Variants in SYNM observed in about 807,000 individuals in gnomAD.
SYNM encodes synemin.
A neutral mutation model predicts 104.0 loss-of-function variants in SYNM; 95 were observed. The observed-to-expected ratio is 0.91, with a 90% CI of 0.77 to 1.08. The LOEUF (loss-of-function observed/expected upper bound fraction) is 1.08. Among genes scored for constraint, SYNM ranks in the 50% least tolerant of loss-of-function variants. SYNM has a pLI of 0.00. For missense variants in SYNM, 2,150 were observed against 2,052.2 expected (o/e 1.05, Z -0.92); for synonymous variants, 918 against 869.0 (o/e 1.06, Z -0.99).
intron 1 of SYNM, among the ~76,000 whole-genome samples, chr15:99,113,056 C>A (rs1423363937): frequency 6.6e-6 from 1 of 152,214 alleles, no homozygotes; most frequent in Non-Finnish European, 1.5e-5. Flanking sequence ...CATTTATGCC[C>A]AGAATGCATT....
intron 2 of SYNM, among the ~76,000 whole-genome samples, chr15:99,120,126 G>A (rs2067386332): frequency 6.6e-6 from 1 of 152,186 alleles, no homozygotes; most frequent in Non-Finnish European, 1.5e-5. Flanking sequence ...TACACAACTC[G>A]TAATTGGAGA....
intron 1 of SYNM, among the ~76,000 whole-genome samples, chr15:99,110,455 T>C (rs2151799296): frequency 6.6e-6 from 1 of 152,362 alleles, no homozygotes; most frequent in African/African-American, 2.4e-5. Flanking sequence ...TTGTAAAATA[T>C]AACTTGAGTT....
At chr15:99,124,434 A>G (rs575322822) in intron 2 of SYNM, among the ~76,000 whole-genome samples, 25 of 152,296 alleles carry the variant, frequency 1.6e-4, no homozygotes, top group Admixed American at 5.9e-4. Context: ...TAAAGGTGAC[A>G]TGTGTCGCTG....
intron 2 of SYNM, among the ~76,000 whole-genome samples, chr15:99,121,262 G>C (rs1253934802): frequency 6.6e-6 from 1 of 152,004 alleles, no homozygotes; most frequent in Non-Finnish European, 1.5e-5. Flanking sequence ...CAGTCCCAGG[G>C]CCAGCACTGT....
At position 99,132,461 on chromosome 15, in the gene SYNM, TG is replaced by T. The variant is rs1223577933; in HGVS notation, c.4102del (p.Glu1368LysfsTer26). 7 of 1,613,878 alleles carry T rather than the reference TG, an allele frequency of 4.3e-6. No individual in the cohort carries two copies. The highest frequency in any genetic ancestry group is 1.3e-5 in the African/African-American group (1 of 74,914). On this transcript the variant is annotated frameshift_variant, in exon 4 of 4. Transcript: ENST00000336292. LOFTEE classifies it high-confidence loss of function. ...CCTCGGGTAGACAAACCGTTATGAC[TG>T]AAAAGAGCACCTTCCAAAGTGTCGT... ...HTSGRQTVMT[E>X]KSTFQSVVSE...
intron 2 of SYNM, among the ~76,000 whole-genome samples, chr15:99,126,420 C>T (rs1293224308): frequency 2.6e-5 from 4 of 152,212 alleles, no homozygotes; most frequent in African/African-American, 7.2e-5. Flanking sequence ...GGGCTTGGCT[C>T]GCCAGTACTG....
At position 99,130,858 on chromosome 15, in the gene SYNM, C is replaced by T. The variant is rs1187979159; in HGVS notation, c.2498C>T (p.Ser833Phe). The T allele has an allele frequency of 9.9e-6, 16 of 1,613,822 alleles. No individual in the cohort carries two copies. Among genetic ancestry groups the T allele is most frequent in the African/African-American group, 5.3e-5 (4 of 74,904 alleles). Residue 833 changes from serine to phenylalanine, a missense_variant, in exon 4 of 4, where the codon TCC becomes TTC. Coordinates refer to ENST00000336292, the MANE Select transcript of SYNM (RefSeq NM_145728.3). ...GAGGGCGAGCAGAGTTATTTTGTGTCCACTCCAGATGAACACCCCGGGGGG... is the reference window on the plus strand; with the variant it reads ...GAGGGCGAGCAGAGTTATTTTGTGTTCACTCCAGATGAACACCCCGGGGGG... ...DSEGEQSYFV[S>F]TPDEHPGGHD... is the part of the protein sequence containing the mutation.
Position 99,131,524 on chromosome 15 carries a change from G to A in SYNM, c.3164G>A (p.Gly1055Glu). The A allele has an allele frequency of 6.2e-7, 1 of 1,607,518 alleles. No homozygotes were observed. Among genetic ancestry groups the A allele is most frequent in the Non-Finnish European group, 8.5e-7 (1 of 1,179,674 alleles). The change falls in exon 4 of 4, where the codon GGA becomes GAA. Residue 1055 changes from glycine (G) to glutamate (E), a missense_variant. Gly to Glu is a moderately conservative substitution (Grantham distance 98, BLOSUM62 -2). Transcript: ENST00000336292. The surrounding 1 kb of genome is among the most constrained non-coding windows in gnomAD (Gnocchi z 4.3). ...CCTGGCAGCCCAGATGAGGAAGGTG[G>A]AGCGGAGGCCCCGGCTGCTGGCATT... is the stretch of plus-strand genomic sequence containing the variant. The part of the protein sequence containing the change: ...PAPGSPDEEG[G>E]AEAPAAGIRF...
intron 3 of SYNM, chr15:99,128,967 C>T (rs1416154196): frequency 5.4e-6 from 1 of 184,262 alleles, no homozygotes; most frequent in Non-Finnish European, 1.2e-5. Context: ...GAGCTCTTCT[C>T]TGCTACAGTA....
downstream of SYNM, among the ~76,000 whole-genome samples, chr15:99,138,331 T>C (rs1282899662): frequency 3.3e-5 from 5 of 151,986 alleles, no homozygotes; most frequent in African/African-American, 1.2e-4. Flanking sequence ...TTTTTTTTTT[T>C]CAGACAGAGT....
At chr15:99,109,028 G>C (rs1300745250) in intron 1 of SYNM, among the ~76,000 whole-genome samples, 2 of 152,160 alleles carry the variant, frequency 1.3e-5, no homozygotes, top group Admixed American at 6.5e-5. Context: ...CTGGAGGCAG[G>C]AGCTGGAGGC....
In SYNM at chr15:99,133,651, C is replaced by T. The variant is rs1555486341; in HGVS notation, c.*593C>T. 1.3e-5 allele frequency: 2 copies of T among 157,154 alleles called. No homozygotes were observed. 9.7% of individuals were successfully genotyped at this position (157,154 alleles called of 1,614,324 possible). ...TTCATCTTAAGACTTGAATGAATTG[C>T]TTTCTATGTACAGAACTTTAAACAA... is the stretch of plus-strand genomic sequence containing the variant. On this transcript the variant is annotated 3_prime_UTR_variant, in exon 4 of 4. Coordinates refer to ENST00000336292, the MANE Select transcript of SYNM (RefSeq NM_145728.3).
Position 99,130,093 on chromosome 15 carries a change from C to T in SYNM, c.1733C>T (p.Pro578Leu), listed in dbSNP as rs372657424. 42 of 1,613,656 alleles carry T rather than the reference C, an allele frequency of 2.6e-5. No homozygotes were observed. Among genetic ancestry groups the T allele is most frequent in the East Asian group, 4.5e-5 (2 of 44,882 alleles). Residue 578 changes from proline to leucine, a missense_variant, in exon 4 of 4, where the codon CCG becomes CTG. Transcript: ENST00000336292. ...KEKSVREREV[P>L]ISLEVSQDRR... Reference sequence around the variant, plus strand: ...AAGAGCGTGCGAGAGAGAGAGGTGCCGATTAGTCTAGAAGTATCCCAGGAC... The same window carrying T: ...AAGAGCGTGCGAGAGAGAGAGGTGCTGATTAGTCTAGAAGTATCCCAGGAC...
At chr15:99,137,653 G>A (rs566749973), downstream of SYNM, 13 of 226,656 alleles carry the variant, frequency 5.7e-5, no homozygotes, top group South Asian at 1.2e-3. Context: ...CCACACCTAT[G>A]CAAGGAGCTG....
intron 2 of SYNM, among the ~76,000 whole-genome samples, chr15:99,114,934 C>CT (rs2067333374): frequency 6.6e-6 from 1 of 152,212 alleles, no homozygotes; most frequent in Admixed American, 6.5e-5. Flanking sequence ...TTCAGGAACA[C>CT]TAACAATAGC....
intron 2 of SYNM, among the ~76,000 whole-genome samples, chr15:99,124,957 G>T (rs2067433686): frequency 6.6e-6 from 1 of 152,250 alleles, no homozygotes; most frequent in Non-Finnish European, 1.5e-5. Flanking sequence ...CCCACGCAGG[G>T]CTGGTGCCTG....
intron 2 of SYNM, among the ~76,000 whole-genome samples, chr15:99,122,487 CTG>C (rs1567279676): frequency 1.3e-5 from 2 of 152,142 alleles, no homozygotes; most frequent in Non-Finnish European, 2.9e-5. Context: ...TGTGTGAACA[CTG>C]AGACTTATCT....
rs1324578248 is a variant in SYNM at position 99,126,649 on chromosome 15, C to T, written c.936-73C>T. ...CACTATGGTCATTGGCCGCATACCA[C>T]GATACGTTTTATTAGAGGCACTTCT... On this transcript the variant is annotated intron_variant, in intron 2 of 3. Coordinates refer to ENST00000336292, the MANE Select transcript of SYNM (RefSeq NM_145728.3). 12 of 1,393,542 alleles carry T rather than the reference C, an allele frequency of 8.6e-6. No individual in the cohort carries two copies. The African/African-American group carries it at 1.0e-4, about 12-fold the overall frequency. 86.3% of individuals were successfully genotyped at this position (1,393,542 alleles called of 1,614,324 possible).
downstream of SYNM, chr15:99,137,324 G>A (rs1453500995): frequency 1.3e-5 from 2 of 152,376 alleles, no homozygotes; most frequent in African/African-American, 4.8e-5. Flanking sequence ...GGAGGCCACA[G>A]GAGGGATGCG....
Sources: allele counts gnomAD v4.1 joint callset (sites outside exome capture counted in the v4.1 genomes callset), GRCh38; gene constraint gnomAD v4.1.1; non-coding constraint Gnocchi (gnomAD v3.1); transcripts MANE v1.5; gene names NCBI Gene and HGNC (gene_info 2026-07-23, HGNC 2026-07-21).